Variants in AGBL4 observed in about 807,000 individuals in gnomAD.
AGBL4 encodes cytosolic carboxypeptidase 6.
A neutral mutation model predicts 66.4 loss-of-function variants in AGBL4; 58 were observed. The observed-to-expected ratio is 0.87, with a 90% CI of 0.71 to 1.09. The LOEUF (loss-of-function observed/expected upper bound fraction) is 1.09, where lower values mean the gene tolerates loss of function less well. AGBL4 is among the 50% of genes least tolerant of loss of function. The pLI is 0.00. For missense variants in AGBL4, 579 were observed against 631.0 expected (o/e 0.92, Z 0.88); for synonymous variants, 234 against 222.9 (o/e 1.05, Z -0.44).
chr1:48,710,967 C>A (rs1363587286), intron 6 of AGBL4, among the ~76,000 whole-genome samples: 2 of 151,346 alleles, frequency 1.3e-5, no homozygotes, highest in African/African-American at 4.9e-5. Context: ...AGTGACAAAC[C>A]TCTCACATGG....
chr1:48,781,364 A>ATGG (rs1250553112), intron 6 of AGBL4, among the ~76,000 whole-genome samples: 1 of 152,204 alleles, frequency 6.6e-6, no homozygotes, highest in Non-Finnish European at 1.5e-5. Flanking sequence ...CATTCAGTCT[A>ATGG]TGGATACAGC....
At chr1:49,746,124 C>T (rs1381178750) in intron 2 of AGBL4, among the ~76,000 whole-genome samples, 2 of 151,888 alleles carry the variant, frequency 1.3e-5, no homozygotes, top group East Asian at 3.9e-4. Flanking sequence ...ATCAGTATAG[C>T]CTCAGCGTCT....
intron 3 of AGBL4, among the ~76,000 whole-genome samples, chr1:49,634,949 C>T (rs192837465): frequency 6.6e-6 from 1 of 152,174 alleles, no homozygotes; most frequent in Non-Finnish European, 1.5e-5. Flanking sequence ...ATTTGATGGT[C>T]TAAAATTCCA....
rs964046220 is a variant in AGBL4 at position 49,186,179 on chromosome 1, C to A, written c.377+59591G>T. Reference sequence around the variant, plus strand: ...GAGCAAATGCTCCCCAACACCCTGCCTCCCCTATGCATACATATTTCTTCA... The same window carrying A: ...GAGCAAATGCTCCCCAACACCCTGCATCCCCTATGCATACATATTTCTTCA... On this transcript the variant is annotated intron_variant, in intron 4 of 13. Coordinates refer to ENST00000371839, the MANE Select transcript of AGBL4 (RefSeq NM_032785.4). Among the ~76,000 whole-genome samples the A allele has an allele frequency of 4.0e-4, 61 of 152,250 alleles. 1 individual carries two copies. Among genetic ancestry groups the A allele is most frequent in the African/African-American group, 1.4e-3 (58 of 41,550 alleles).
chr1:49,938,736 G>C (rs1654389885), intron 1 of AGBL4, among the ~76,000 whole-genome samples: 1 of 152,076 alleles, frequency 6.6e-6, no homozygotes, highest in African/African-American at 2.4e-5. Flanking sequence ...CAGAACCAAA[G>C]ACAAAAACCA....
intron 2 of AGBL4, among the ~76,000 whole-genome samples, chr1:49,818,683 A>G (rs950018681): frequency 1.1e-4 from 16 of 152,174 alleles, no homozygotes; most frequent in Middle Eastern, 6.8e-3. Context: ...AACCAATATG[A>G]TATGTGTATA....
chr1:49,922,127 T>G (rs1329894260), intron 1 of AGBL4, among the ~76,000 whole-genome samples: 1 of 152,208 alleles, frequency 6.6e-6, no homozygotes, highest in Non-Finnish European at 1.5e-5. Context: ...TGTGGTTTTG[T>G]TTTTGTTTAT....
intron 1 of AGBL4, among the ~76,000 whole-genome samples, chr1:49,909,774 C>T (rs1650634534): frequency 1.3e-5 from 2 of 152,174 alleles, no homozygotes; most frequent in African/African-American, 4.8e-5. Flanking sequence ...AGGACTCATT[C>T]ATCAGGATTT....
chr1:49,722,854 T>A (rs1019309599), intron 2 of AGBL4, among the ~76,000 whole-genome samples: 7 of 152,138 alleles, frequency 4.6e-5, no homozygotes, highest in East Asian at 3.9e-4. Context: ...AAAGAAAAAA[T>A]TTTTTATTTG....
chr1:48,570,438 G>A (rs1173510106), intron 11 of AGBL4, among the ~76,000 whole-genome samples: 1 of 152,218 alleles, frequency 6.6e-6, no homozygotes, highest in African/African-American at 2.4e-5. Flanking sequence ...CTGGATGTGA[G>A]GACAGGAGGA....
chr1:49,772,451 T>C (rs1644089572), intron 2 of AGBL4, among the ~76,000 whole-genome samples: 1 of 152,192 alleles, frequency 6.6e-6, no homozygotes, highest in South Asian at 2.1e-4. Context: ...CACTTACCTA[T>C]ACTAGTGCAT....
At chr1:49,119,116 C>A (rs1416643428) in intron 4 of AGBL4, among the ~76,000 whole-genome samples, 1 of 152,120 alleles carries the variant, frequency 6.6e-6, no homozygotes, top group Non-Finnish European at 1.5e-5. Flanking sequence ...TGCTAGTGTT[C>A]TATCAATTTT....
At chr1:48,776,841 C>T (rs1557984271) in intron 6 of AGBL4, 5 of 1,397,354 alleles carry the variant, frequency 3.6e-6, no homozygotes, top group East Asian at 3.8e-5. Flanking sequence ...TGGTGGGCGC[C>T]GGGGGCGGGC....
At chr1:49,109,715 G>T (rs1645367677) in intron 4 of AGBL4, among the ~76,000 whole-genome samples, 1 of 152,070 alleles carries the variant, frequency 6.6e-6, no homozygotes, top group Non-Finnish European at 1.5e-5. Context: ...TCACTAGATT[G>T]ACTAATCTTA....
chr1:49,532,443 C>T (rs1651215200), intron 3 of AGBL4, among the ~76,000 whole-genome samples: 1 of 152,072 alleles, frequency 6.6e-6, no homozygotes, highest in Non-Finnish European at 1.5e-5. Flanking sequence ...TTTCATGTTG[C>T]TCAGGAATAC....
chr1:49,403,118 T>C (rs554762653), intron 3 of AGBL4, among the ~76,000 whole-genome samples: 1 of 152,234 alleles, frequency 6.6e-6, no homozygotes, highest in Non-Finnish European at 1.5e-5. Context: ...GGAAAAAATC[T>C]TTCTTTAGCT....
intron 4 of AGBL4, among the ~76,000 whole-genome samples, chr1:49,198,496 A>T (rs1647411027): frequency 6.6e-6 from 1 of 152,016 alleles, no homozygotes. Flanking sequence ...GCACACCACC[A>T]TGCCTGGCTA....
Position 49,879,609 on chromosome 1 carries a change from C to A in AGBL4, c.35-28091G>T, listed in dbSNP as rs962483813. Among the ~76,000 whole-genome samples the A allele has an allele frequency of 3.4e-5, 5 of 147,674 alleles. No individual in the cohort carries two copies. The South Asian group carries it at 1.1e-3, about 33-fold the overall frequency. ...GCCCTTAACATTTTTTCCTTCATTG[C>A]AACTTTGGTGAATCTGACAATTATG... is the stretch of plus-strand genomic sequence containing the variant. On this transcript the variant is annotated intron_variant, in intron 1 of 13. Transcript: ENST00000371839.
intron 2 of AGBL4, among the ~76,000 whole-genome samples, chr1:49,781,880 C>T (rs1644346268): frequency 6.6e-6 from 1 of 151,614 alleles, no homozygotes; most frequent in South Asian, 2.1e-4. Flanking sequence ...ACAATACATT[C>T]CTAAATAATT....
Sources: gnomAD v4.1 joint callset for allele counts (sites outside exome capture counted in the v4.1 genomes callset) on GRCh38, gnomAD v4.1.1 for gene constraint, MANE v1.5 for transcripts, NCBI Gene and HGNC (gene_info 2026-07-23, HGNC 2026-07-21) for gene names.